The following ZNF674 variants were observed in gnomAD, a reference collection of about 807,000 sequenced individuals.
ZNF674 encodes the protein zinc finger protein 674.
In ZNF674, 2 loss-of-function variants were observed where a neutral mutation model predicts 7.0. The observed-to-expected ratio is 0.29, with a 90% CI of 0.12 to 0.90. The LOEUF is 0.90. ZNF674 is among the 40% of genes least tolerant of loss of function. ZNF674 has a pLI of 0.57. For missense variants in ZNF674, 297 were observed against 415.5 expected, an observed-to-expected ratio of 0.71 and a Z score of 2.48; for synonymous variants, 103 against 145.2, an observed-to-expected ratio of 0.71 and a Z score of 2.09.
rs1192310748 is a variant in ZNF674 at position 46,540,243 on chromosome X, C to CA, written c.15+1829dup. Among the ~76,000 whole-genome samples, 211 of 79,863 alleles carry CA rather than the reference C, an allele frequency of 2.6e-3. 1 individual carries two copies. The highest frequency in any genetic ancestry group is 6.3e-3 in the East Asian group (17 of 2,690). 69.4% of individuals were successfully genotyped at this position (79,863 alleles called of 115,157 possible). A position where few individuals can be genotyped will look rare whatever the true frequency, so the allele number is the denominator to read the frequency against. On this transcript the variant is annotated intron_variant, in intron 3 of 5. Coordinates refer to ENST00000683375, the MANE Select transcript of ZNF674 (RefSeq NM_001190417.2). ...TGGGCGACAGAGCGAGACTCTGTCT[C>CA]AAAAAAAAAAAAAGAAAGATTCATA...
intron 5 of ZNF674, among the ~76,000 whole-genome samples, chrX:46,502,861 C>T (rs945895314): frequency 1.8e-5 from 2 of 112,373 alleles, no homozygotes; most frequent in African/African-American, 6.5e-5. Context: ...ATTACTACAT[C>T]ACTGTAATAA....
At chrX:46,544,146 T>A (rs1353704453) in intron 2 of ZNF674, among the ~76,000 whole-genome samples, 1 of 112,917 alleles carries the variant, frequency 8.9e-6, no homozygotes, top group African/African-American at 3.2e-5. Context: ...GGGACATCCA[T>A]GCCTCCATCC....
rs897357725 is a variant in ZNF674 at position 46,532,860 on chromosome X, CA to C, written c.16-3952del. 5.5e-4 allele frequency among the ~76,000 whole-genome samples: 61 copies of C among 111,716 alleles called. 1 individual carries two copies. The highest frequency in any genetic ancestry group is 1.8e-3 in the African/African-American group (57 of 30,820). ...CCGATGAGCTAAAAAATAAAAATCA[CA>C]AAAAAAGTCACAATAAGTCTCATAA... On this transcript the variant is annotated intron_variant, in intron 3 of 5. Coordinates refer to ENST00000683375, the MANE Select transcript of ZNF674 (RefSeq NM_001190417.2).
At position 46,499,306 on chromosome X, in the gene ZNF674, G is replaced by A. The variant is rs1489835160; in HGVS notation, c.*537C>T. 1 of 111,973 alleles carries A rather than the reference G, an allele frequency of 8.9e-6. No homozygotes were observed. The highest frequency in any genetic ancestry group is 3.3e-5 in the African/African-American group (1 of 30,621). The allele number at this position is 111,973 out of a possible 1,213,427, so 9.2% of individuals were successfully genotyped here. A position where few individuals can be genotyped will look rare whatever the true frequency, so the allele number is the denominator to read the frequency against. ...ACCTCCTGAGTAGCTGGGACTAAAG[G>A]TATGCACCACTACACTCAGATAACT... On this transcript the variant is annotated 3_prime_UTR_variant, in exon 6 of 6. Coordinates refer to ENST00000683375, the MANE Select transcript of ZNF674 (RefSeq NM_001190417.2).
At chrX:46,543,044 G>A (rs765451613) in intron 2 of ZNF674, among the ~76,000 whole-genome samples, 47 of 110,828 alleles carry the variant, frequency 4.2e-4, no homozygotes, top group Non-Finnish European at 7.9e-4. Context: ...TCCACCTCCC[G>A]GGTTCAAGCG....
At chrX:46,532,322 CA>C (rs1231425615) in intron 3 of ZNF674, among the ~76,000 whole-genome samples, 11 of 112,062 alleles carry the variant, frequency 9.8e-5, no homozygotes, top group African/African-American at 3.6e-4. Flanking sequence ...AAAACCTCTG[CA>C]TTTTCACTCC....
chrX:46,532,539 A>G (rs1193268441), intron 3 of ZNF674, among the ~76,000 whole-genome samples: 1 of 112,096 alleles, frequency 8.9e-6, no homozygotes, highest in Non-Finnish European at 1.9e-5. Flanking sequence ...AAATTATTGG[A>G]CTAAATAAAC....
At chrX:46,519,210 T>TTAGATAGATAGATAGA (rs61702218) in intron 5 of ZNF674, among the ~76,000 whole-genome samples, 7 of 74,352 alleles carry the variant, frequency 9.4e-5, no homozygotes, top group East Asian at 4.3e-4. Flanking sequence ...CTCAGATAGA[T>TTAGATAGATAGATAGA]TAGATAGATA....
intron 5 of ZNF674, among the ~76,000 whole-genome samples, chrX:46,527,477 G>A (rs1942029353): frequency 9.0e-6 from 1 of 111,187 alleles, no homozygotes; most frequent in African/African-American, 3.3e-5. Flanking sequence ...CCAAGTGCTG[G>A]CAAGGATGTG....
At chrX:46,505,458 C>A (rs1177719868) in intron 5 of ZNF674, among the ~76,000 whole-genome samples, 1 of 111,306 alleles carries the variant, frequency 9.0e-6, no homozygotes, top group East Asian at 2.8e-4. Context: ...GGCAAACAAT[C>A]AATTAAAAAT....
Position 46,501,038 on chromosome X carries a change from T to C in ZNF674, c.536A>G (p.Tyr179Cys). The C allele has an allele frequency of 5.0e-6, 6 of 1,209,320 alleles. No individual in the cohort carries two copies. The South Asian group carries it at 7.1e-5, about 14-fold the overall frequency. Residue 179 changes from tyrosine (Y) to cysteine (C), a missense_variant, in exon 6 of 6, where the codon TAT (tyrosine) becomes TGT (cysteine). Physicochemically the swap from Tyr to Cys is radical, Grantham distance 194. Transcript: ENST00000683375. ...CKAYWKVCLH[Y>C]NLHKAQPAER... ...TGCAGGTTGAGCTTTATGAAGATTA[T>C]AATGGAGGCATACTTTCCAATATGC...
At chrX:46,501,630 T>TTATA (rs531715180) in intron 5 of ZNF674, among the ~76,000 whole-genome samples, 20 of 105,332 alleles carry the variant, frequency 1.9e-4, no homozygotes, top group African/African-American at 6.8e-4. Flanking sequence ...GGCTTAAAGC[T>TTATA]TATATATATA....
At chrX:46,537,712 T>G (rs779228932) in intron 3 of ZNF674, among the ~76,000 whole-genome samples, 13 of 112,464 alleles carry the variant, frequency 1.2e-4, no homozygotes, top group Admixed American at 1.1e-3. Context: ...GTCTTCTGAC[T>G]CTACAGGTTT....
intron 5 of ZNF674, among the ~76,000 whole-genome samples, chrX:46,519,270 AGAT>A (rs1401983465): frequency 0.044 from 3,309 of 74,760 alleles, 101 homozygotes; most frequent in African/African-American, 0.091. Flanking sequence ...AGATAAAGAT[AGAT>A]GATAGATAGA....
chrX:46,517,338 G>A (rs1308488040), intron 5 of ZNF674, among the ~76,000 whole-genome samples: 1 of 110,837 alleles, frequency 9.0e-6, no homozygotes, highest in Admixed American at 9.7e-5. Flanking sequence ...CTGGGGACCT[G>A]CAGGACAATA....
chrX:46,536,018 T>C (rs1372652227), intron 3 of ZNF674, among the ~76,000 whole-genome samples: 1 of 112,450 alleles, frequency 8.9e-6, no homozygotes, highest in Non-Finnish European at 1.9e-5. Context: ...TAAAGGCTGA[T>C]TGATACATAA....
chrX:46,519,221 GAT>G (rs1941835771), intron 5 of ZNF674, among the ~76,000 whole-genome samples: 1 of 68,758 alleles, frequency 1.5e-5, no homozygotes, highest in African/African-American at 6.0e-5. Flanking sequence ...TAGATAGATA[GAT>G]AGATAGATAG....
At chrX:46,532,895 GA>G (rs1233785572) in intron 3 of ZNF674, among the ~76,000 whole-genome samples, 3 of 111,811 alleles carry the variant, frequency 2.7e-5, no homozygotes, top group Non-Finnish European at 1.9e-5. Flanking sequence ...AATGTTTTAA[GA>G]AAGTTTACAA....
chrX:46,527,157 G>A (rs1451834120), intron 5 of ZNF674, among the ~76,000 whole-genome samples: 7 of 109,719 alleles, frequency 6.4e-5, no homozygotes, highest in Admixed American at 4.9e-4. Context: ...CCAGCTACTC[G>A]GGAGGCTGAG....
Sources: gnomAD v4.1 joint callset for allele counts (sites outside exome capture counted in the v4.1 genomes callset) on GRCh38, gnomAD v4.1.1 for gene constraint, MANE v1.5 for transcripts, NCBI Gene and HGNC (gene_info 2026-07-23, HGNC 2026-07-21) for gene names.